The following CDH12 variants were observed in gnomAD, a reference collection of about 807,000 sequenced individuals.
CDH12 encodes cadherin-12.
Under a neutral mutation model 74.1 loss-of-function variants are expected in CDH12, and 41 were observed. The observed-to-expected ratio is 0.55, with a 90% CI of 0.43 to 0.72. The LOEUF (loss-of-function observed/expected upper bound fraction) is 0.72. CDH12 is among the 30% of genes least tolerant of loss of function. The pLI is 0.00. For synonymous variants in CDH12, 399 were observed against 355.0 expected, an observed-to-expected ratio of 1.12 and a Z score of -1.39; for missense variants, 945 against 977.2, an observed-to-expected ratio of 0.97 and a Z score of 0.44.
intron 4 of CDH12, among the ~76,000 whole-genome samples, chr5:22,119,241 C>T (rs2150272576): frequency 6.7e-6 from 1 of 148,750 alleles, no homozygotes; most frequent in South Asian, 2.1e-4. Context: ...CCCAGTATTG[C>T]TAAAGAACAG....
At chr5:22,465,283 G>A (rs184407165) in intron 2 of CDH12, among the ~76,000 whole-genome samples, 29 of 152,208 alleles carry the variant, frequency 1.9e-4, no homozygotes, top group Middle Eastern at 3.4e-3. Flanking sequence ...AACTCCAGCC[G>A]TGATCTGAGC....
In CDH12 at chr5:22,111,411, A is replaced by C. The variant is rs1580266891; in HGVS notation, c.-186-32549T>G. 2.6e-5 allele frequency among the ~76,000 whole-genome samples: 4 copies of C among 151,996 alleles called. No individual in the cohort carries two copies. In the South Asian group the frequency reaches 8.3e-4, roughly 32 times the overall value. ...TGCTTTCCCGTTTTCCCTGAGACCA[A>C]CCCTTTAGGCTCTGATCATAAATCT... On this transcript the variant is annotated intron_variant, in intron 4 of 14. Coordinates refer to ENST00000382254, the MANE Select transcript of CDH12 (RefSeq NM_004061.5).
At chr5:22,681,249 G>GTGTGTGTT (rs1418939154) in intron 1 of CDH12, among the ~76,000 whole-genome samples, 2 of 151,464 alleles carry the variant, frequency 1.3e-5, no homozygotes, top group African/African-American at 4.9e-5. Flanking sequence ...GTGTGTGTGT[G>GTGTGTGTT]TGTGTGTGTG....
chr5:22,643,527 C>T (rs1170013079), intron 1 of CDH12, among the ~76,000 whole-genome samples: 1 of 151,996 alleles, frequency 6.6e-6, no homozygotes, highest in African/African-American at 2.4e-5. Context: ...TTCTATTTGG[C>T]AAGAAATTTT....
At chr5:22,209,165 C>CTAAAATTAA (rs1751393386) in intron 4 of CDH12, among the ~76,000 whole-genome samples, 1 of 152,122 alleles carries the variant, frequency 6.6e-6, no homozygotes, top group Non-Finnish European at 1.5e-5. Context: ...GATATGACAG[C>CTAAAATTAA]TAATCATATT....
At chr5:21,978,061 C>A (rs191251604) in intron 5 of CDH12, among the ~76,000 whole-genome samples, 14 of 152,180 alleles carry the variant, frequency 9.2e-5, no homozygotes, top group Admixed American at 9.2e-4. Context: ...TATAAAATTT[C>A]CTTTACTTCA....
chr5:22,703,672 A>G (rs924191582), intron 1 of CDH12, among the ~76,000 whole-genome samples: 1 of 152,084 alleles, frequency 6.6e-6, no homozygotes, highest in African/African-American at 2.4e-5. Context: ...TTCCCTTTTT[A>G]TTTTCCAATG....
In CDH12 at chr5:22,528,542, G is replaced by A. The variant is rs1010702643; in HGVS notation, c.-522-23178C>T. 4.6e-5 allele frequency among the ~76,000 whole-genome samples: 7 copies of A among 152,162 alleles called. No individual in the cohort carries two copies. The South Asian group carries it at 1.2e-3, about 27-fold the overall frequency. ...TTCAGACCTGTGGCTACTTTATCCT[G>A]TGGCTAGAGGATAATGGACTCCTTC... On this transcript the variant is annotated intron_variant, in intron 1 of 14. Transcript: ENST00000382254.
chr5:21,889,079 G>A (rs1205839400), intron 6 of CDH12, among the ~76,000 whole-genome samples: 1 of 151,916 alleles, frequency 6.6e-6, no homozygotes, highest in African/African-American at 2.4e-5. Context: ...ATATATTTTA[G>A]GTGCTATTCA....
At chr5:21,848,643 T>A (rs1308104930) in intron 7 of CDH12, among the ~76,000 whole-genome samples, 1 of 151,968 alleles carries the variant, frequency 6.6e-6, no homozygotes, top group Non-Finnish European at 1.5e-5. Flanking sequence ...TTTTTGCTAA[T>A]GTGTTTGAAA....
At chr5:22,794,132 T>A (rs775321415) in intron 1 of CDH12, among the ~76,000 whole-genome samples, 2 of 152,206 alleles carry the variant, frequency 1.3e-5, no homozygotes, top group Admixed American at 6.5e-5. Flanking sequence ...ACAACGGTAC[T>A]GAAAAGCTCA....
intron 1 of CDH12, among the ~76,000 whole-genome samples, chr5:22,517,898 C>T (rs546106165): frequency 9.2e-5 from 14 of 152,278 alleles, no homozygotes; most frequent in African/African-American, 3.1e-4. Context: ...AAATATCTCA[C>T]ACATTAATAC....
At chr5:22,359,072 C>T (rs946898289) in intron 3 of CDH12, among the ~76,000 whole-genome samples, 2 of 152,036 alleles carry the variant, frequency 1.3e-5, no homozygotes, top group African/African-American at 2.4e-5. Context: ...CAAATTCAAA[C>T]ATAACAATAT....
intron 10 of CDH12, among the ~76,000 whole-genome samples, chr5:21,799,488 A>T (rs1275351234): frequency 6.6e-6 from 1 of 152,202 alleles, no homozygotes; most frequent in Non-Finnish European, 1.5e-5. Flanking sequence ...ATTACTTAAT[A>T]AGAAGATTTG....
At chr5:21,890,321 A>C (rs150715980) in intron 6 of CDH12, among the ~76,000 whole-genome samples, 31 of 152,264 alleles carry the variant, frequency 2.0e-4, no homozygotes, top group African/African-American at 7.5e-4. Flanking sequence ...GAAACTCTTA[A>C]ATCTTTCTTC....
intron 1 of CDH12, among the ~76,000 whole-genome samples, chr5:22,603,125 A>G (rs1335667451): frequency 6.6e-6 from 1 of 152,162 alleles, no homozygotes; most frequent in Non-Finnish European, 1.5e-5. Flanking sequence ...TTGGAAGTTT[A>G]AAAATGTCTT....
At position 22,115,231 on chromosome 5, in the gene CDH12, A is replaced by G. The variant is rs560289782; in HGVS notation, c.-186-36369T>C. Among the ~76,000 whole-genome samples, 6 of 152,322 alleles carry G rather than the reference A, an allele frequency of 3.9e-5. 1 individual carries two copies. The highest frequency in any genetic ancestry group is 1.2e-4 in the African/African-American group (5 of 41,572). On this transcript the variant is annotated intron_variant, in intron 4 of 14. Coordinates refer to ENST00000382254, the MANE Select transcript of CDH12 (RefSeq NM_004061.5). ...ATATACAGACTGTGGAGCGCTATGC[A>G]TTTTAACCAAAAGACTACGTTGTCT... is the stretch of plus-strand genomic sequence containing the variant.
chr5:22,158,116 C>T (rs1177518984), intron 4 of CDH12, among the ~76,000 whole-genome samples: 1 of 151,970 alleles, frequency 6.6e-6, no homozygotes, highest in East Asian at 1.9e-4. Flanking sequence ...CATATTTTTT[C>T]TCTTTGCAAT....
At chr5:22,457,246 C>A (rs188538509) in intron 2 of CDH12, among the ~76,000 whole-genome samples, 57 of 152,200 alleles carry the variant, frequency 3.7e-4, no homozygotes, top group African/African-American at 1.3e-3. Flanking sequence ...GGGTGGATCA[C>A]AACAAGAGAA....
Sources: allele counts gnomAD v4.1 joint callset (sites outside exome capture counted in the v4.1 genomes callset), GRCh38; gene constraint gnomAD v4.1.1; transcripts MANE v1.5; gene names NCBI Gene and HGNC (gene_info 2026-07-23, HGNC 2026-07-21).